Variants in CFAP20DC observed in about 807,000 individuals in gnomAD.
CFAP20DC encodes protein CFAP20DC.
In CFAP20DC, 84 loss-of-function variants were observed where a neutral mutation model predicts 101.7. That is an observed-to-expected ratio of 0.83 (90% CI 0.69 to 0.99). The LOEUF is 0.99. Among genes scored for constraint, CFAP20DC ranks in the 50% least tolerant of loss-of-function variants. The pLI is 0.00. For synonymous variants in CFAP20DC, 359 were observed against 351.2 expected, an observed-to-expected ratio of 1.02 and a Z score of -0.25; for missense variants, 1,007 against 970.3, an observed-to-expected ratio of 1.04 and a Z score of -0.50.
chr3:58,843,761 G>A (rs1026206908), intron 13 of CFAP20DC, among the ~76,000 whole-genome samples: 205 of 151,120 alleles, frequency 1.4e-3, no homozygotes, highest in African/African-American at 4.8e-3. Flanking sequence ...GGAAGCCAGA[G>A]AGAAAGGTCA....
At chr3:58,911,080 A>T (rs2084105583) in intron 6 of CFAP20DC, among the ~76,000 whole-genome samples, 1 of 152,166 alleles carries the variant, frequency 6.6e-6, no homozygotes, top group Admixed American at 6.6e-5. Context: ...ACCAAATGCA[A>T]ATTCTAGAAT....
At chr3:58,837,508 C>A (rs1456951561) in intron 13 of CFAP20DC, among the ~76,000 whole-genome samples, 1 of 152,146 alleles carries the variant, frequency 6.6e-6, no homozygotes, top group Non-Finnish European at 1.5e-5. Flanking sequence ...ACTGATCTTG[C>A]TCTTTCTTGA....
chr3:58,806,521 T>C (rs1055963794), intron 14 of CFAP20DC, 65 bp from the exon 15 acceptor site: 42 of 1,134,192 alleles, frequency 3.7e-5, no homozygotes, highest in Admixed American at 1.7e-4. Flanking sequence ...GACATTCACA[T>C]GCACTCTCAT....
At chr3:59,029,306 C>T (rs950219628) in intron 4 of CFAP20DC, among the ~76,000 whole-genome samples, 5 of 152,042 alleles carry the variant, frequency 3.3e-5, no homozygotes, top group Non-Finnish European at 2.9e-5. Context: ...ATTAAATAAA[C>T]ATATAATAAT....
At chr3:58,762,348 G>T (rs1202044291) in intron 15 of CFAP20DC, among the ~76,000 whole-genome samples, 1 of 152,020 alleles carries the variant, frequency 6.6e-6, no homozygotes, top group African/African-American at 2.4e-5. Context: ...TATCAGGGAT[G>T]AGGATTGCAA....
chr3:59,027,299 C>T (rs2093910707), intron 4 of CFAP20DC, among the ~76,000 whole-genome samples: 1 of 152,056 alleles, frequency 6.6e-6, no homozygotes, highest in African/African-American at 2.4e-5. Flanking sequence ...TTAACTTTTG[C>T]TTTCAACCTT....
intron 4 of CFAP20DC, among the ~76,000 whole-genome samples, chr3:59,004,960 G>A (rs920849083): frequency 1.3e-5 from 2 of 152,144 alleles, no homozygotes; most frequent in Non-Finnish European, 2.9e-5. Flanking sequence ...GGCTACAATG[G>A]TAGGATAGCC....
intron 3 of CFAP20DC, among the ~76,000 whole-genome samples, chr3:59,044,987 G>GAC (rs57196071): frequency 0.065 from 9,113 of 139,804 alleles, 324 homozygotes; most frequent in African/African-American, 0.11. Context: ...TCCTATTACA[G>GAC]ACACACACAC....
chr3:59,033,281 T>A (rs1298453392), intron 4 of CFAP20DC, among the ~76,000 whole-genome samples: 1 of 152,126 alleles, frequency 6.6e-6, no homozygotes, highest in Non-Finnish European at 1.5e-5. Flanking sequence ...AAAACCAGAA[T>A]GCCTCTTCTC....
chr3:58,981,468 T>C (rs2092541861), intron 4 of CFAP20DC, among the ~76,000 whole-genome samples: 1 of 152,174 alleles, frequency 6.6e-6, no homozygotes, highest in South Asian at 2.1e-4. Flanking sequence ...ACTACAAGGC[T>C]ACAGTAACCA....
chr3:58,896,316 A>T (rs1339853249), intron 6 of CFAP20DC, among the ~76,000 whole-genome samples: 1 of 151,700 alleles, frequency 6.6e-6, no homozygotes, highest in Admixed American at 6.6e-5. Flanking sequence ...TACTTTATTA[A>T]TTTTTTTCAA....
downstream of CFAP20DC, among the ~76,000 whole-genome samples, chr3:58,739,325 C>T (rs367913176): frequency 2.6e-5 from 4 of 152,090 alleles, no homozygotes; most frequent in East Asian, 1.9e-4. Flanking sequence ...AGTTGCATCC[C>T]GATTATATGA....
chr3:58,850,588 CAA>C (rs1302854050), intron 12 of CFAP20DC, among the ~76,000 whole-genome samples: 11 of 56,442 alleles, frequency 1.9e-4, no homozygotes, highest in Non-Finnish European at 2.9e-4. Flanking sequence ...AACTCCATCT[CAA>C]AAAAAAAAAA....
At chr3:58,973,730 G>A (rs2092096662) in intron 4 of CFAP20DC, among the ~76,000 whole-genome samples, 1 of 152,158 alleles carries the variant, frequency 6.6e-6, no homozygotes, top group Non-Finnish European at 1.5e-5. Context: ...ACAGGTGTGG[G>A]CAAGGTTGAG....
chr3:59,020,721 G>T (rs2093786651), intron 4 of CFAP20DC, among the ~76,000 whole-genome samples: 1 of 152,044 alleles, frequency 6.6e-6, no homozygotes, highest in Non-Finnish European at 1.5e-5. Context: ...CATATATGAG[G>T]AGAAGCTTTA....
chr3:59,011,610 T>G (rs1425211625), intron 4 of CFAP20DC, among the ~76,000 whole-genome samples: 2 of 151,018 alleles, frequency 1.3e-5, no homozygotes, highest in Non-Finnish European at 3.0e-5. Flanking sequence ...ATAACAAAGA[T>G]CAGAGCAGAA....
chr3:58,773,409 G>C (rs1331653141), intron 15 of CFAP20DC, among the ~76,000 whole-genome samples: 1 of 147,698 alleles, frequency 6.8e-6, no homozygotes, highest in Non-Finnish European at 1.5e-5. Flanking sequence ...AAAAGAAAAA[G>C]AAAAAGAAAA....
chr3:58,785,544 T>C (rs905125572), intron 15 of CFAP20DC, among the ~76,000 whole-genome samples: 7 of 152,042 alleles, frequency 4.6e-5, no homozygotes, highest in Non-Finnish European at 8.8e-5. Context: ...ATGTACTCCA[T>C]AAATGTAAAA....
In CFAP20DC at chr3:58,961,254, T is replaced by C. The variant is rs574139274; in HGVS notation, c.279-23492A>G. ...TATCAGGATAATAGCGGTCTCATAA[T>C]GAATAAAACTGTGCCTTGGCCAGGT... On this transcript the variant is annotated intron_variant, in intron 4 of 16. Transcript: ENST00000482387. 5.9e-5 allele frequency among the ~76,000 whole-genome samples: 9 copies of C among 152,302 alleles called. No homozygotes were observed. In the South Asian group the frequency reaches 1.9e-3, roughly 32 times the overall value.
Sources: allele counts gnomAD v4.1 joint callset (sites outside exome capture counted in the v4.1 genomes callset), GRCh38; gene constraint gnomAD v4.1.1; transcripts MANE v1.5; gene names NCBI Gene and HGNC (gene_info 2026-07-23, HGNC 2026-07-21).